Variants in RSRC1 observed in about 807,000 individuals in gnomAD.
RSRC1 encodes serine/Arginine-related protein 53.
Under a neutral mutation model 49.1 loss-of-function variants are expected in RSRC1, and 39 were observed. That is an observed-to-expected ratio of 0.79 (90% CI 0.61 to 1.04). RSRC1 has a LOEUF of 1.04. Among genes scored for constraint, RSRC1 ranks in the 50% least tolerant of loss-of-function variants. RSRC1 has a pLI of 0.00. For synonymous variants in RSRC1, 143 were observed against 130.8 expected (o/e 1.09, Z -0.63); for missense variants, 388 against 402.4 (o/e 0.96, Z 0.31).
chr3:158,535,585 C>T (rs1383723899), intron 7 of RSRC1, among the ~76,000 whole-genome samples: 1 of 151,248 alleles, frequency 6.6e-6, no homozygotes, highest in Admixed American at 6.6e-5. Context: ...AGCCTGGATT[C>T]TTTGGAGAAA....
intron 4 of RSRC1, among the ~76,000 whole-genome samples, chr3:158,292,837 G>A (rs1291355384): frequency 6.6e-6 from 1 of 152,150 alleles, no homozygotes; most frequent in Non-Finnish European, 1.5e-5. Context: ...AACCTTGTGT[G>A]TTAGGTAAGG....
chr3:158,445,887 G>A (rs1736683111), intron 6 of RSRC1, among the ~76,000 whole-genome samples: 1 of 151,950 alleles, frequency 6.6e-6, no homozygotes, highest in East Asian at 1.9e-4. Context: ...ATCACATTGG[G>A]ATAAATATAT....
chr3:158,361,613 G>A (rs897690920), intron 6 of RSRC1, among the ~76,000 whole-genome samples: 7 of 152,264 alleles, frequency 4.6e-5, no homozygotes, highest in African/African-American at 7.2e-5. Context: ...ATTACTCAGC[G>A]GTTCTCAGTT....
chr3:158,271,122 A>G (rs567720356), intron 4 of RSRC1, among the ~76,000 whole-genome samples: 13 of 130,432 alleles, frequency 1.0e-4, no homozygotes, highest in African/African-American at 1.5e-4. Context: ...GCTTTTGGAT[A>G]CAAAATACAC....
At chr3:158,370,367 CT>C (rs962551877) in intron 6 of RSRC1, among the ~76,000 whole-genome samples, 14 of 151,906 alleles carry the variant, frequency 9.2e-5, no homozygotes, top group Non-Finnish European at 1.6e-4. Context: ...GGTAAAGAAC[CT>C]TTACATTACT....
Position 158,545,204 on chromosome 3 carries a change from T to TTC in RSRC1, c.*930_*931insCT, listed in dbSNP as rs1484592576. On this transcript the variant is annotated 3_prime_UTR_variant, in exon 10 of 10. Transcript: ENST00000611884. Reference sequence around the variant, plus strand: ...CCCGTTTCTATTTTCTTTTTTTTTTTTTTTTTTTTTTTTTTGAGACGGAGT... The same window carrying TTC: ...CCCGTTTCTATTTTCTTTTTTTTTTTTCTTTTTTTTTTTTTTTGAGACGGAGT... 1.6e-5 allele frequency: 2 copies of TTC among 121,626 alleles called. No homozygotes were observed. The highest frequency in any genetic ancestry group is 5.9e-5 in the African/African-American group (2 of 33,832). The allele number at this position is 121,626 out of a possible 1,614,324, so 7.5% of individuals were successfully genotyped here. A position where few individuals can be genotyped will look rare whatever the true frequency, so the allele number is the denominator to read the frequency against.
intron 4 of RSRC1, among the ~76,000 whole-genome samples, chr3:158,290,335 C>G (rs827137): frequency 6.6e-6 from 1 of 151,840 alleles, no homozygotes; most frequent in Non-Finnish European, 1.5e-5. Flanking sequence ...TGCAGTGGCG[C>G]GATTTCGGCT....
intron 4 of RSRC1, among the ~76,000 whole-genome samples, chr3:158,296,573 A>G (rs1264064210): frequency 3.3e-5 from 5 of 152,088 alleles, no homozygotes; most frequent in African/African-American, 9.7e-5. Flanking sequence ...GAAAATGTAA[A>G]GATTCATTTG....
chr3:158,436,102 A>G (rs1255724476), intron 6 of RSRC1, among the ~76,000 whole-genome samples: 2 of 151,908 alleles, frequency 1.3e-5, no homozygotes, highest in Non-Finnish European at 2.9e-5. Context: ...TTTTTACTTT[A>G]GTTCAATAAA....
intron 3 of RSRC1, among the ~76,000 whole-genome samples, chr3:158,199,160 G>C (rs755057956): frequency 3.9e-5 from 6 of 152,092 alleles, no homozygotes; most frequent in Non-Finnish European, 7.4e-5. Context: ...CTCTTTCTTT[G>C]CCTGCTGCTA....
intron 6 of RSRC1, among the ~76,000 whole-genome samples, chr3:158,456,758 A>G (rs2108398857): frequency 6.6e-6 from 1 of 152,310 alleles, no homozygotes; most frequent in East Asian, 1.9e-4. Flanking sequence ...ACTGTGGCCC[A>G]GCAAGGCTAG....
At chr3:158,370,845 G>C (rs935258256) in intron 6 of RSRC1, among the ~76,000 whole-genome samples, 19 of 152,012 alleles carry the variant, frequency 1.2e-4, no homozygotes, top group Non-Finnish European at 2.7e-4. Flanking sequence ...AACTTTATAA[G>C]TCACTGCCAA....
intron 6 of RSRC1, among the ~76,000 whole-genome samples, chr3:158,450,293 G>A (rs1339614239): frequency 1.3e-5 from 2 of 149,708 alleles, no homozygotes; most frequent in African/African-American, 4.9e-5. Flanking sequence ...TTTATTTTTG[G>A]AGCATTTGCT....
chr3:158,439,675 G>A (rs1006188325), intron 6 of RSRC1, among the ~76,000 whole-genome samples: 2 of 152,088 alleles, frequency 1.3e-5, no homozygotes, highest in Non-Finnish European at 2.9e-5. Flanking sequence ...GGGGTGGGGG[G>A]CTAGGAGAGG....
chr3:158,419,524 C>T (rs1734926132), intron 6 of RSRC1, among the ~76,000 whole-genome samples: 1 of 151,908 alleles, frequency 6.6e-6, no homozygotes, highest in Admixed American at 6.6e-5. Flanking sequence ...ATAATCTAAG[C>T]AGAACACTTA....
intron 6 of RSRC1, among the ~76,000 whole-genome samples, chr3:158,416,899 T>C (rs894484404): frequency 3.3e-5 from 5 of 152,210 alleles, no homozygotes; most frequent in African/African-American, 1.2e-4. Context: ...CTTTAGAACG[T>C]ATCTGAAGAT....
intron 6 of RSRC1, among the ~76,000 whole-genome samples, chr3:158,387,776 CATT>C (rs1247654021): frequency 6.6e-6 from 1 of 152,054 alleles, no homozygotes; most frequent in African/African-American, 2.4e-5. Flanking sequence ...CTTCTTGTAT[CATT>C]ATTTTTAAAA....
chr3:158,202,562 TTATATATATA>T (rs56789942), intron 3 of RSRC1, among the ~76,000 whole-genome samples: 2 of 92,024 alleles, frequency 2.2e-5, no homozygotes, highest in South Asian at 7.0e-4. Flanking sequence ...GTCTGGTAGA[TTATATATATA>T]TATATATATG....
intron 4 of RSRC1, among the ~76,000 whole-genome samples, chr3:158,207,895 C>CT (rs1721438472): frequency 6.6e-6 from 1 of 152,034 alleles, no homozygotes; most frequent in South Asian, 2.1e-4. Flanking sequence ...CTGAAAAACC[C>CT]TTTTTAAATA....
Sources: gnomAD v4.1 joint callset for allele counts (sites outside exome capture counted in the v4.1 genomes callset) on GRCh38, gnomAD v4.1.1 for gene constraint, MANE v1.5 for transcripts, NCBI Gene and HGNC (gene_info 2026-07-23, HGNC 2026-07-21) for gene names.